Variants in PLEKHD1 observed in about 807,000 individuals in gnomAD.
PLEKHD1 encodes pleckstrin homology and coiled-coil domain containing D1.
Under a neutral mutation model 69.2 loss-of-function variants are expected in PLEKHD1, and 51 were observed. The observed-to-expected ratio is 0.74, with a 90% CI of 0.59 to 0.93. The LOEUF (loss-of-function observed/expected upper bound fraction) is 0.93, where lower values mean the gene tolerates loss of function less well. Ranked by LOEUF, PLEKHD1 falls within the 40% of genes least tolerant of loss-of-function variation. The pLI, the probability that PLEKHD1 is intolerant of heterozygous loss-of-function variation, is 0.00. For missense variants in PLEKHD1, 584 were observed against 641.0 expected (o/e 0.91, Z 0.96); for synonymous variants, 236 against 244.7 (o/e 0.96, Z 0.33).
intron 1 of PLEKHD1, among the ~76,000 whole-genome samples, chr14:69,485,365 G>T (rs1363518889): frequency 6.6e-6 from 1 of 152,254 alleles, no homozygotes; most frequent in African/African-American, 2.4e-5. Flanking sequence ...GAGTGGGAAT[G>T]TTGGGTGTGG....
intron 6 of PLEKHD1, 76 bp downstream of exon 6, chr14:69,502,955 G>T: frequency 2.0e-6 from 3 of 1,511,888 alleles, no homozygotes; most frequent in Non-Finnish European, 2.7e-6. Context: ...ATGATGCAGG[G>T]GAGCTGGGTG....
chr14:69,489,647 C>G (rs924678345), intron 1 of PLEKHD1, among the ~76,000 whole-genome samples: 3 of 151,620 alleles, frequency 2.0e-5, no homozygotes, highest in Non-Finnish European at 4.4e-5. Context: ...CCAGCTCTGC[C>G]AGTAACCAGC....
At chr14:69,471,090 CTTTTTTT>C in the PLEKHD1 span, among the ~76,000 whole-genome samples, 27 of 44,736 alleles carry the variant, frequency 6.0e-4, no homozygotes, top group African/African-American at 2.3e-3. Context: ...CGTGCCTGGC[CTTTTTTT>C]TTTTTTTTTT....
At chr14:69,522,230 C>A in intron 6 of PLEKHD1, 53 bp from the exon 7 acceptor site, 2 of 1,506,604 alleles carry the variant, frequency 1.3e-6, no homozygotes, top group Non-Finnish European at 1.8e-6. Flanking sequence ...GGATCCTGAT[C>A]TCAGGGTTCC....
chr14:69,475,470 C>T, the PLEKHD1 span, among the ~76,000 whole-genome samples: 2 of 152,016 alleles, frequency 1.3e-5, no homozygotes, highest in Non-Finnish European at 2.9e-5. Flanking sequence ...CAGCCACTCC[C>T]AAAAACGCTT....
chr14:69,501,630 C>T (rs184087860), intron 4 of PLEKHD1, 104 bp from the exon 5 acceptor site: 10 of 832,218 alleles, frequency 1.2e-5, no homozygotes, highest in South Asian at 3.6e-5. Context: ...AAAGGGTGGG[C>T]GAGTACAAAA....
Position 69,500,846 on chromosome 14 carries a change from T to C in PLEKHD1, c.334-25T>C, listed in dbSNP as rs757866483. 7.7e-6 allele frequency: 12 copies of C among 1,551,276 alleles called. No homozygotes were observed. In the South Asian group the frequency reaches 1.3e-4, roughly 17 times the overall value. On this transcript the variant is annotated intron_variant, in intron 3 of 12. Transcript: ENST00000322564. ...CCTCAGCGTGGCTGCCTCTCAGGCA[T>C]GCGCATGGCTCCTCTTCCTGGCAGG... is the stretch of plus-strand genomic sequence containing the variant.
intron 1 of PLEKHD1, among the ~76,000 whole-genome samples, chr14:69,499,224 TGCACACACAC>T (rs1306000557): frequency 9.7e-5 from 9 of 92,796 alleles, no homozygotes; most frequent in Middle Eastern, 5.4e-3. Flanking sequence ...CTCTCATACG[TGCACACACAC>T]ACACACACAC....
intron 6 of PLEKHD1, among the ~76,000 whole-genome samples, chr14:69,518,898 T>A (rs1314109260): frequency 6.6e-6 from 1 of 152,192 alleles, no homozygotes; most frequent in Non-Finnish European, 1.5e-5. Context: ...GGGCTTTGGC[T>A]GCTGTCCTTG....
intron 6 of PLEKHD1, among the ~76,000 whole-genome samples, chr14:69,515,348 T>A (rs1883361542): frequency 6.6e-6 from 1 of 152,200 alleles, no homozygotes; most frequent in East Asian, 1.9e-4. Context: ...TGGCCCCCCC[T>A]GGAGTTTTAA....
intron 6 of PLEKHD1, among the ~76,000 whole-genome samples, chr14:69,506,544 G>A (rs1343804112): frequency 6.6e-6 from 1 of 152,234 alleles, no homozygotes; most frequent in Non-Finnish European, 1.5e-5. Context: ...GAGAAAGGAA[G>A]TGAGAATTTC....
chr14:69,500,552 G>C, intron 2 of PLEKHD1, 25 bp from the exon 3 acceptor site: 1 of 1,532,352 alleles, frequency 6.5e-7, no homozygotes, highest in Non-Finnish European at 8.8e-7. Context: ...TGGGGTGGGG[G>C]CTGCCTGTTC....
In PLEKHD1 at chr14:69,498,369, G is replaced by A. The variant is rs377606366; in HGVS notation, c.150-1746G>A. Among the ~76,000 whole-genome samples, 14 of 151,568 alleles carry A rather than the reference G, an allele frequency of 9.2e-5. No individual in the cohort carries two copies. In the East Asian group the frequency reaches 9.9e-4, roughly 11 times the overall value. Reference sequence around the variant, plus strand: ...GCTGGGATTACAGGTGTGAGCCATCGCACCCAGCCTTCTATTTTTGAAAAA... The same window carrying A: ...GCTGGGATTACAGGTGTGAGCCATCACACCCAGCCTTCTATTTTTGAAAAA... On this transcript the variant is annotated intron_variant, in intron 1 of 12. Coordinates refer to ENST00000322564, the MANE Select transcript of PLEKHD1 (RefSeq NM_001161498.2).
intron 1 of PLEKHD1, among the ~76,000 whole-genome samples, chr14:69,487,036 C>T (rs534347273): frequency 1.3e-5 from 2 of 152,310 alleles, no homozygotes; most frequent in South Asian, 2.1e-4. Flanking sequence ...CCTTTAGCCT[C>T]CTTCCAAGGA....
At chr14:69,489,174 G>A (rs1334673344) in intron 1 of PLEKHD1, among the ~76,000 whole-genome samples, 2 of 152,300 alleles carry the variant, frequency 1.3e-5, no homozygotes, top group South Asian at 4.1e-4. Context: ...CTGTGTATGG[G>A]TCAGACCTCC....
chr14:69,514,273 T>A (rs1436963342), intron 6 of PLEKHD1, among the ~76,000 whole-genome samples: 1 of 152,088 alleles, frequency 6.6e-6, no homozygotes, highest in East Asian at 1.9e-4. Flanking sequence ...TTCAGCCTTT[T>A]TTCTCTTTGC....
At chr14:69,515,627 C>A (rs1477880295) in intron 6 of PLEKHD1, among the ~76,000 whole-genome samples, 1 of 152,190 alleles carries the variant, frequency 6.6e-6, no homozygotes, top group Non-Finnish European at 1.5e-5. Context: ...CCTCAGGAAG[C>A]TTACAATCAT....
rs1418852529 is a variant in PLEKHD1 at position 69,528,274 on chromosome 14, C to T, written c.1376C>T (p.Thr459Ile). 6.4e-7 allele frequency: 1 copy of T among 1,551,748 alleles called. No homozygotes were observed. Among genetic ancestry groups the T allele is most frequent in the Admixed American group, 2.0e-5 (1 of 51,004 alleles). ...GTGAAGCCGTCCCAGTCCTTCATGACCTCCCAGCTGGATGCCAACAACATG... is the reference window on the plus strand; with the variant it reads ...GTGAAGCCGTCCCAGTCCTTCATGATCTCCCAGCTGGATGCCAACAACATG... The part of the protein sequence containing the change: ...NDMKPSQSFM[T>I]SQLDANNMEE... The change falls in exon 13 of 13, where the codon ACC (threonine) becomes ATC (isoleucine). Residue 459 changes from threonine (T) to isoleucine (I), a missense_variant. Transcript: ENST00000322564.
intron 11 of PLEKHD1, 61 bp downstream of exon 11, chr14:69,527,393 G>A (rs547630110): frequency 8.1e-5 from 125 of 1,546,154 alleles, no homozygotes; most frequent in African/African-American, 3.8e-4. Flanking sequence ...ATGGGATCCC[G>A]GCCCTGTAGA....
Sources: allele counts gnomAD v4.1 joint callset (sites outside exome capture counted in the v4.1 genomes callset), GRCh38; gene constraint gnomAD v4.1.1; transcripts MANE v1.5; gene names NCBI Gene and HGNC (gene_info 2026-07-23, HGNC 2026-07-21).